The following ZNF121 variants were observed in gnomAD, a reference collection of about 807,000 sequenced individuals.
ZNF121 encodes the protein zinc finger protein 121 (clone ZHC32).
In ZNF121, 1 loss-of-function variant was observed where a neutral mutation model predicts 2.4. The observed-to-expected ratio is 0.41, with a 90% CI of 0.15 to 1.94. ZNF121 has a LOEUF of 1.94. Among genes scored for constraint, ZNF121 ranks in the 30% most tolerant of loss-of-function variants. The pLI is 0.30. For missense variants in ZNF121, 369 were observed against 466.3 expected, an observed-to-expected ratio of 0.79 and a Z score of 1.92; for synonymous variants, 173 against 158.6, an observed-to-expected ratio of 1.09 and a Z score of -0.68.
At chr19:9,580,293 A>G (rs73006375) in intron 1 of ZNF121, among the ~76,000 whole-genome samples, 19,764 of 151,600 alleles carry the variant, frequency 0.13, 1,676 homozygotes, top group African/African-American at 0.23. Flanking sequence ...CTAGTCTCAA[A>G]AAGAAAAAAA....
chr19:9,567,651 A>C (rs1345923486), intron 3 of ZNF121: 1 of 346,198 alleles, frequency 2.9e-6, no homozygotes, highest in Non-Finnish European at 6.0e-6. Context: ...AACTCACCAT[A>C]AAATAGGATC....
In ZNF121 at chr19:9,561,213, A is replaced by C. The variant is rs1223788513; in HGVS notation, c.*4727T>G. 2 of 152,218 alleles carry C rather than the reference A, an allele frequency of 1.3e-5. No homozygotes were observed. The highest frequency in any genetic ancestry group is 3.8e-4 in the East Asian group (2 of 5,204). The allele number at this position is 152,218 out of a possible 1,614,324, so 9.4% of individuals were successfully genotyped here. A position where few individuals can be genotyped will look rare whatever the true frequency, so the allele number is the denominator to read the frequency against. ...CCTCCATAGAGAAGACCTAAAAGCC[A>C]GGGCACTATTACCTAGGAACACCTC... On this transcript the variant is annotated 3_prime_UTR_variant, in exon 4 of 4. Transcript: ENST00000320451.
In ZNF121 at chr19:9,568,123, A is replaced by G. The variant is rs761646733; in HGVS notation, c.-26T>C. The G allele has an allele frequency of 1.3e-6, 2 of 1,539,128 alleles. No homozygotes were observed. Among genetic ancestry groups the G allele is most frequent in the East Asian group, 2.3e-5 (1 of 44,130 alleles). ...TTGTATGCCGTTTGATGTTTTGTTAAGCCAAAAAAAAATGTTGTTGAGGTG... is the reference window on the plus strand; with the variant it reads ...TTGTATGCCGTTTGATGTTTTGTTAGGCCAAAAAAAAATGTTGTTGAGGTG... On this transcript the variant is annotated 5_prime_UTR_variant, in exon 3 of 4. Coordinates refer to ENST00000320451, the MANE Select transcript of ZNF121 (RefSeq NM_001008727.5).
chr19:9,566,712 G>C lies in ZNF121; in HGVS notation c.401C>G (p.Ser134Cys), dbSNP rs774271207. 2.6e-5 allele frequency: 42 copies of C among 1,614,056 alleles called. 1 individual carries two copies. In the Middle Eastern group the frequency reaches 8.2e-4, roughly 32 times the overall value. ...AFTYSTSHAV[S>C]VKMHTVEKPY... ...TTTTTCTACAGTATGCATTTTAACA[G>C]ACACAGCATGGCTTGTGGAGTAAGT... is the stretch of plus-strand genomic sequence containing the variant. Residue 134 changes from serine to cysteine, a missense_variant, in exon 4 of 4, where the codon TCT becomes TGT. Coordinates refer to ENST00000320451, the MANE Select transcript of ZNF121 (RefSeq NM_001008727.5).
rs1480259102 is a variant in ZNF121 at position 9,560,931 on chromosome 19, T to C, written c.*5009A>G. The stretch of plus-strand genomic sequence containing the variant: ...AGAACTGTGAATAAAAACTGAATTC[T>C]GGTTAGTTGATTTTTAAAAAGAGTG... On this transcript the variant is annotated 3_prime_UTR_variant, in exon 4 of 4. Coordinates refer to ENST00000320451, the MANE Select transcript of ZNF121 (RefSeq NM_001008727.5). 6.6e-6 allele frequency: 1 copy of C among 152,224 alleles called. No homozygotes were observed. The highest frequency in any genetic ancestry group is 2.4e-5 in the African/African-American group (1 of 41,452). 9.4% of individuals were successfully genotyped at this position (152,224 alleles called of 1,614,324 possible). A position where few individuals can be genotyped will look rare whatever the true frequency, so the allele number is the denominator to read the frequency against.
intron 1 of ZNF121, among the ~76,000 whole-genome samples, chr19:9,582,493 A>C (rs2074254506): frequency 6.6e-6 from 1 of 151,992 alleles, no homozygotes; most frequent in South Asian, 2.1e-4. Context: ...GTAATTTTCC[A>C]CTATCTACCC....
intron 1 of ZNF121, among the ~76,000 whole-genome samples, chr19:9,583,469 G>C (rs967016567): frequency 2.7e-5 from 4 of 147,190 alleles, no homozygotes; most frequent in African/African-American, 1.0e-4. Flanking sequence ...AGGATTACAG[G>C]GGACTGCCAC....
chr19:9,578,506 A>G (rs2074227249), intron 1 of ZNF121, among the ~76,000 whole-genome samples: 1 of 152,188 alleles, frequency 6.6e-6, no homozygotes, highest in Non-Finnish European at 1.5e-5. Context: ...AAACAAACAC[A>G]TAGATCTATG....
intron 1 of ZNF121, among the ~76,000 whole-genome samples, chr19:9,570,746 G>A (rs936942467): frequency 6.6e-6 from 1 of 151,168 alleles, no homozygotes; most frequent in East Asian, 1.9e-4. Flanking sequence ...TTTTGCGAGG[G>A]GGGGGGGTAT....
chr19:9,584,332 A>G (rs7253981), intron 1 of ZNF121, 129 bp downstream of exon 1: 88,690 of 152,094 alleles, frequency 0.58, 27,767 homozygotes, highest in African/African-American at 0.81. Flanking sequence ...TGGCCGCGCA[A>G]GGAGGACCGA....
chr19:9,582,889 T>C (rs1454865245), intron 1 of ZNF121, among the ~76,000 whole-genome samples: 5 of 152,142 alleles, frequency 3.3e-5, no homozygotes, highest in Non-Finnish European at 4.4e-5. Context: ...ACTACTTTAT[T>C]ACACTAATAC....
In ZNF121 at chr19:9,565,821, A is replaced by G; in HGVS notation, c.*119T>C. The G allele has an allele frequency of 1.4e-6, 1 of 723,972 alleles. No individual in the cohort carries two copies. Among genetic ancestry groups the G allele is most frequent in the Non-Finnish European group, 2.2e-6 (1 of 459,294 alleles). 44.8% of individuals were successfully genotyped at this position (723,972 alleles called of 1,614,324 possible). On this transcript the variant is annotated 3_prime_UTR_variant, in exon 4 of 4. Transcript: ENST00000320451. ...CTTCGAAGTGAATGGGGATAACTGA[A>G]GGCCTCCTCACATTCTTTGTACCAA... is the stretch of plus-strand genomic sequence containing the variant.
Position 9,566,154 on chromosome 19 carries a change from G to C in ZNF121, c.959C>G (p.Ala320Gly). ...KPYECKDCGKAFATSSQLIEH... is the reference protein window; with the variant it reads ...KPYECKDCGKGFATSSQLIEH... Reference sequence around the variant, plus strand: ...AATGAGTTGTGAAGATGTAGCAAAGGCTTTCCCACAGTCCTTACATTCATA... The same window carrying C: ...AATGAGTTGTGAAGATGTAGCAAAGCCTTTCCCACAGTCCTTACATTCATA... Residue 320 changes from alanine to glycine, a missense_variant, in exon 4 of 4, where the codon GCC (alanine) becomes GGC (glycine). Ala to Gly is a moderately conservative substitution (Grantham distance 60). This residue lies in a region of ZNF121 where 127 missense variants were observed against 169.9 expected (regional missense o/e 0.75). Coordinates refer to ENST00000320451, the MANE Select transcript of ZNF121 (RefSeq NM_001008727.5). The C allele has an allele frequency of 5.6e-6, 9 of 1,614,012 alleles. No homozygotes were observed. The highest frequency in any genetic ancestry group is 7.6e-6 in the Non-Finnish European group (9 of 1,179,994).
chr19:9,581,324 T>C (rs1487575562), intron 1 of ZNF121, among the ~76,000 whole-genome samples: 1 of 152,132 alleles, frequency 6.6e-6, no homozygotes, highest in Non-Finnish European at 1.5e-5. Context: ...CCTTTCCCTA[T>C]TGGCCGGGGT....
intron 1 of ZNF121, among the ~76,000 whole-genome samples, chr19:9,579,520 A>AT (rs35459946): frequency 7.2e-5 from 11 of 152,220 alleles, no homozygotes; most frequent in Admixed American, 7.2e-4. Flanking sequence ...CTCCATCTCT[A>AT]CTGAAAATAC....
At position 9,562,895 on chromosome 19, in the gene ZNF121, A is replaced by C; in HGVS notation, c.*3045T>G. ...TAAAGTCCTGCCTCTTTAAAAAAAAAAAAAAAAAAAAAAAAAAATTAGCTG... is the reference window on the plus strand; with the variant it reads ...TAAAGTCCTGCCTCTTTAAAAAAAACAAAAAAAAAAAAAAAAAATTAGCTG... On this transcript the variant is annotated 3_prime_UTR_variant, in exon 4 of 4. Coordinates refer to ENST00000320451, the MANE Select transcript of ZNF121 (RefSeq NM_001008727.5). 1 of 148,604 alleles carries C rather than the reference A, an allele frequency of 6.7e-6. No individual in the cohort carries two copies. The highest frequency in any genetic ancestry group is 1.5e-5 in the Non-Finnish European group (1 of 67,086). 9.2% of individuals were successfully genotyped at this position (148,604 alleles called of 1,614,324 possible).
In ZNF121 at chr19:9,566,841, C is replaced by G; in HGVS notation, c.272G>C (p.Ser91Thr). 1 of 1,614,206 alleles carries G rather than the reference C, an allele frequency of 6.2e-7. No individual in the cohort carries two copies. The highest frequency in any genetic ancestry group is 8.5e-7 in the Non-Finnish European group (1 of 1,180,028). Residue 91 changes from serine to threonine, a missense_variant, in exon 4 of 4, where the codon AGT (serine) becomes ACT (threonine). Physicochemically the swap from Ser to Thr is moderately conservative, Grantham distance 58. This residue lies in a region of ZNF121 where 168 missense variants were observed against 162.3 expected (regional missense o/e 1.03). Coordinates refer to ENST00000320451, the MANE Select transcript of ZNF121 (RefSeq NM_001008727.5). ...TWIGDKSFEYSDCEEAFVDQS... is the reference protein window; with the variant it reads ...TWIGDKSFEYTDCEEAFVDQS... Reference sequence around the variant, plus strand: ...ATCAACAAAGGCTTCCTCACAGTCACTGTATTCAAAGGATTTGTCTCCTAT... The same window carrying G: ...ATCAACAAAGGCTTCCTCACAGTCAGTGTATTCAAAGGATTTGTCTCCTAT...
chr19:9,579,131 CA>C (rs2074231780), intron 1 of ZNF121, among the ~76,000 whole-genome samples: 1 of 152,132 alleles, frequency 6.6e-6, no homozygotes, highest in Admixed American at 6.5e-5. Context: ...CACATTACCA[CA>C]ATGAGATGTC....
In ZNF121 at chr19:9,566,543, A is replaced by G; in HGVS notation, c.570T>C (p.His190=). The stretch of plus-strand genomic sequence containing the variant: ...GTTTCTCTCCAGTATGAATTCTTAC[A>G]TGTTCAACTAGGTGTGAAGAAACAG... ...CFTVSSHLVE[H]VRIHTGEKPY... The change falls in exon 4 of 4, where the codon CAT becomes CAC. Residue 190 remains histidine, a synonymous_variant. Transcript: ENST00000320451. The G allele has an allele frequency of 6.2e-7, 1 of 1,614,232 alleles. No homozygotes were observed. Among genetic ancestry groups the G allele is most frequent in the Non-Finnish European group, 8.5e-7 (1 of 1,180,036 alleles).
Sources: gnomAD v4.1 joint callset for allele counts (sites outside exome capture counted in the v4.1 genomes callset) on GRCh38, gnomAD v4.1.1 for gene constraint, gnomAD v4.1.1 regional missense constraint, MANE v1.5 for transcripts, NCBI Gene and HGNC (gene_info 2026-07-23, HGNC 2026-07-21) for gene names.